ADK: variants seen among roughly 807,000 people sequenced by gnomAD.
The protein encoded by ADK is N6,N6-dimethyladenosine kinase.
ADK carries 24 observed loss-of-function variants against 44.7 expected under a neutral mutation model. The observed-to-expected ratio is 0.54, with a 90% CI of 0.39 to 0.76. The LOEUF (loss-of-function observed/expected upper bound fraction) is 0.76. ADK is among the 30% of genes least tolerant of loss of function. ADK has a pLI of 0.00. For missense variants in ADK, 321 were observed against 425.1 expected (o/e 0.76, Z 2.15); for synonymous variants, 128 against 142.6 (o/e 0.90, Z 0.73).
intron 9 of ADK, among the ~76,000 whole-genome samples, chr10:74,656,391 G>A (rs1854490284): frequency 6.6e-6 from 1 of 152,180 alleles, no homozygotes; most frequent in Non-Finnish European, 1.5e-5. Context: ...TTTATATTTT[G>A]TATTTTGTCT....
At chr10:74,554,280 CT>C (rs1441172836) in intron 7 of ADK, among the ~76,000 whole-genome samples, 1 of 152,190 alleles carries the variant, frequency 6.6e-6, no homozygotes, top group Non-Finnish European at 1.5e-5. Context: ...AGTATATCCT[CT>C]GCCTCCCTCC....
intron 4 of ADK, among the ~76,000 whole-genome samples, chr10:74,385,265 A>G (rs1179134017): frequency 2.6e-5 from 4 of 152,176 alleles, no homozygotes; most frequent in Non-Finnish European, 5.9e-5. Flanking sequence ...GTGTTAATAG[A>G]GGCAGGAGTA....
At chr10:74,531,523 T>A (rs1849291508) in intron 7 of ADK, among the ~76,000 whole-genome samples, 1 of 152,148 alleles carries the variant, frequency 6.6e-6, no homozygotes, top group Admixed American at 6.5e-5. Flanking sequence ...AGTGTTTAAT[T>A]CTTTTCTGTT....
intron 1 of ADK, among the ~76,000 whole-genome samples, chr10:74,158,854 T>C (rs1042628449): frequency 1.3e-5 from 2 of 152,246 alleles, no homozygotes; most frequent in African/African-American, 2.4e-5. Flanking sequence ...CTAGCTCTAC[T>C]GTAATACCAG....
At position 74,216,454 on chromosome 10, in the gene ADK, G is replaced by C. The variant is rs1460222123; in HGVS notation, c.141-8084G>C. Among the ~76,000 whole-genome samples the C allele has an allele frequency of 3.3e-5, 5 of 152,110 alleles. No homozygotes were observed. The East Asian group carries it at 9.6e-4, about 29-fold the overall frequency. Reference sequence around the variant, plus strand: ...AACAGAAGAAAATAGGCCAGGTGCAGTGGCTCGCACCTGTAATCCTAGTAC... The same window carrying C: ...AACAGAAGAAAATAGGCCAGGTGCACTGGCTCGCACCTGTAATCCTAGTAC... On this transcript the variant is annotated intron_variant, in intron 2 of 10. Coordinates refer to ENST00000539909, the MANE Select transcript of ADK (RefSeq NM_006721.4).
chr10:74,301,513 CAAAA>C (rs34310248), intron 3 of ADK, among the ~76,000 whole-genome samples: 1 of 56,710 alleles, frequency 1.8e-5, no homozygotes, highest in African/African-American at 6.2e-5. Context: ...GACTCTGTCT[CAAAA>C]AAAAAAAAAA....
At chr10:74,485,863 C>T (rs1317463275) in intron 6 of ADK, among the ~76,000 whole-genome samples, 2 of 152,130 alleles carry the variant, frequency 1.3e-5, no homozygotes, top group Non-Finnish European at 2.9e-5. Context: ...CCATTTTAGT[C>T]TGTAATTTCA....
intron 6 of ADK, among the ~76,000 whole-genome samples, chr10:74,419,860 T>G (rs532993657): frequency 1.5e-4 from 23 of 152,252 alleles, no homozygotes; most frequent in Admixed American, 1.1e-3. Context: ...GTAATTGCAT[T>G]TTAGAAAAAA....
At chr10:74,516,575 G>T (rs1010667712) in intron 6 of ADK, 1 of 151,524 alleles carries the variant, frequency 6.6e-6, no homozygotes, top group Non-Finnish European at 1.5e-5. Context: ...CCAGGCTGGA[G>T]TGCAATGGTG....
chr10:74,283,931 A>C lies in ADK; in HGVS notation c.195-30736A>C, dbSNP rs111823654. 5.2e-3 allele frequency among the ~76,000 whole-genome samples: 791 copies of C among 151,266 alleles called. 11 individuals are homozygous for C. The highest frequency in any genetic ancestry group is 0.017 in the African/African-American group (717 of 41,168). The stretch of plus-strand genomic sequence containing the variant: ...TCCTGACCTTGTGATCCGCCTGCCT[A>C]GGCCTCCCAAAGTGCTGGGATTACA... On this transcript the variant is annotated intron_variant, in intron 3 of 10. Coordinates refer to ENST00000539909, the MANE Select transcript of ADK (RefSeq NM_006721.4).
At chr10:74,410,714 A>C (rs1844145709) in intron 6 of ADK, among the ~76,000 whole-genome samples, 1 of 152,210 alleles carries the variant, frequency 6.6e-6, no homozygotes, top group African/African-American at 2.4e-5. Context: ...AAACTTACTT[A>C]AAGTGATAGC....
At position 74,704,055 on chromosome 10, in the gene ADK, CATT is replaced by C. The variant is rs138831464; in HGVS notation, c.965-4263_965-4261del. 2.2e-3 allele frequency among the ~76,000 whole-genome samples: 329 copies of C among 152,250 alleles called. 1 individual carries two copies. The highest frequency in any genetic ancestry group is 7.4e-3 in the African/African-American group (309 of 41,558). ...TCTAAACTAAGATTATATTGGGAAA[CATT>C]ATGCTAAGTGAAATAAGCTAGACAC... On this transcript the variant is annotated intron_variant, in intron 10 of 10. Transcript: ENST00000539909.
intron 3 of ADK, among the ~76,000 whole-genome samples, chr10:74,250,781 G>A (rs1257926701): frequency 6.6e-6 from 1 of 152,080 alleles, no homozygotes; most frequent in Non-Finnish European, 1.5e-5. Context: ...AGGTATTTTT[G>A]TTTTGCTTCA....
intron 3 of ADK, among the ~76,000 whole-genome samples, chr10:74,311,838 A>G (rs1240066645): frequency 1.3e-5 from 2 of 152,174 alleles, no homozygotes; most frequent in Non-Finnish European, 2.9e-5. Context: ...TTTTCCCAGC[A>G]TAGATATAGA....
chr10:74,276,981 G>A (rs1274307313), intron 3 of ADK, among the ~76,000 whole-genome samples: 2 of 151,742 alleles, frequency 1.3e-5, no homozygotes, highest in Non-Finnish European at 2.9e-5. Flanking sequence ...ACAGTGGAAC[G>A]ATCTCAGCTC....
intron 4 of ADK, among the ~76,000 whole-genome samples, chr10:74,344,384 T>C (rs1250485762): frequency 6.6e-6 from 1 of 152,242 alleles, no homozygotes; most frequent in Non-Finnish European, 1.5e-5. Context: ...ATTCTGATTA[T>C]TCCCGGTAAA....
At chr10:74,701,053 T>A (rs893424086) in intron 10 of ADK, among the ~76,000 whole-genome samples, 2 of 152,202 alleles carry the variant, frequency 1.3e-5, no homozygotes, top group Non-Finnish European at 2.9e-5. Flanking sequence ...TTTAGTAGAT[T>A]TGGATTTTTT....
intron 9 of ADK, among the ~76,000 whole-genome samples, chr10:74,603,898 C>T (rs776262240): frequency 6.6e-6 from 1 of 152,172 alleles, no homozygotes; most frequent in Non-Finnish European, 1.5e-5. Context: ...CCTCCACATC[C>T]TCACCAGCAT....
chr10:74,578,141 G>A (rs1034395693), intron 7 of ADK, among the ~76,000 whole-genome samples: 14 of 152,262 alleles, frequency 9.2e-5, no homozygotes, highest in African/African-American at 3.4e-4. Flanking sequence ...TTTGAACAAA[G>A]TGGAAGGAAT....
Sources: gnomAD v4.1 joint callset for allele counts (sites outside exome capture counted in the v4.1 genomes callset) on GRCh38, gnomAD v4.1.1 for gene constraint, MANE v1.5 for transcripts, NCBI Gene and HGNC (gene_info 2026-07-23, HGNC 2026-07-21) for gene names.